Variants in SGCZ observed in about 807,000 individuals in gnomAD.
SGCZ encodes zeta-sarcoglycan.
In SGCZ, 40 loss-of-function variants were observed where a neutral mutation model predicts 41.3. The observed-to-expected ratio is 0.97, with a 90% CI of 0.75 to 1.26. The LOEUF (loss-of-function observed/expected upper bound fraction) is 1.26. Among genes scored for constraint, SGCZ ranks in the 50% most tolerant of loss-of-function variants. The pLI, the probability that SGCZ is intolerant of heterozygous loss-of-function variation, is 0.00. For synonymous variants in SGCZ, 206 were observed against 137.5 expected (o/e 1.50, Z -3.49); for missense variants, 552 against 369.8 (o/e 1.49, Z -4.04).
intron 1 of SGCZ, among the ~76,000 whole-genome samples, chr8:14,568,499 G>C (rs1804452196): frequency 6.9e-6 from 1 of 145,282 alleles, no homozygotes; most frequent in East Asian, 2.0e-4. Context: ...TGAGACTTTT[G>C]GAGGATTTAT....
chr8:14,923,440 G>A (rs189252753), intron 1 of SGCZ, among the ~76,000 whole-genome samples: 42 of 152,244 alleles, frequency 2.8e-4, no homozygotes, highest in South Asian at 1.7e-3. Context: ...ATGTAGAGAT[G>A]GTATCAGTTA....
chr8:15,045,947 T>C (rs1240450353), intron 1 of SGCZ, among the ~76,000 whole-genome samples: 1 of 152,110 alleles, frequency 6.6e-6, no homozygotes, highest in Non-Finnish European at 1.5e-5. Context: ...TTTTCCCATT[T>C]AAATATATTA....
At chr8:14,540,485 G>T (rs998333521) in intron 2 of SGCZ, among the ~76,000 whole-genome samples, 1 of 150,526 alleles carries the variant, frequency 6.6e-6, no homozygotes, top group South Asian at 2.1e-4. Flanking sequence ...TATATCTTTC[G>T]TCTTTACAAT....
intron 4 of SGCZ, among the ~76,000 whole-genome samples, chr8:14,214,939 C>T (rs1245670258): frequency 6.6e-6 from 1 of 152,118 alleles, no homozygotes; most frequent in African/African-American, 2.4e-5. Context: ...CAATACCACA[C>T]TTGCAGCAAT....
At chr8:14,595,400 AACACACACACACACACAC>A (rs34287378) in intron 1 of SGCZ, among the ~76,000 whole-genome samples, 1 of 136,314 alleles carries the variant, frequency 7.3e-6, no homozygotes, top group Non-Finnish European at 1.6e-5. Context: ...AACATGCACA[AACACACACACACACACAC>A]ACACACACAC....
intron 1 of SGCZ, among the ~76,000 whole-genome samples, chr8:14,932,231 A>G (rs899213720): frequency 6.6e-6 from 1 of 151,984 alleles, no homozygotes; most frequent in Non-Finnish European, 1.5e-5. Flanking sequence ...TATAAAGGTT[A>G]AAATGCTTAG....
rs139034692 is a variant in SGCZ, at chr8:14,364,914, C to A, written c.235-40710G>T. Reference sequence around the variant, plus strand: ...TCTTCTGAAACTTATTTAAGAAGTTCCTCCCCACCCCAAATGTCACAAAAT... The same window carrying A: ...TCTTCTGAAACTTATTTAAGAAGTTACTCCCCACCCCAAATGTCACAAAAT... On this transcript the variant is annotated intron_variant, in intron 2 of 7. Transcript: ENST00000382080. 7.2e-5 allele frequency among the ~76,000 whole-genome samples: 11 copies of A among 152,118 alleles called. No homozygotes were observed. In the East Asian group the frequency reaches 2.1e-3, roughly 29 times the overall value.
intron 1 of SGCZ, among the ~76,000 whole-genome samples, chr8:15,124,356 A>G (rs1807598207): frequency 6.6e-6 from 1 of 152,170 alleles, no homozygotes; most frequent in Admixed American, 6.6e-5. Context: ...AGAATTTCAT[A>G]TTGTGGGAAT....
intron 1 of SGCZ, among the ~76,000 whole-genome samples, chr8:15,120,889 G>A (rs548785921): frequency 2.6e-5 from 4 of 152,070 alleles, no homozygotes; most frequent in Non-Finnish European, 5.9e-5. Flanking sequence ...GTAGCTATCA[G>A]CCCCGGGAAT....
rs71884770 is a variant in SGCZ at position 14,956,039 on chromosome 8, C to CTTTTTTT, written c.39+281539_39+281545dup. Among the ~76,000 whole-genome samples, 10 of 120,226 alleles carry CTTTTTTT rather than the reference C, an allele frequency of 8.3e-5. 1 individual carries two copies. Among genetic ancestry groups the CTTTTTTT allele is most frequent in the African/African-American group, 1.9e-4 (6 of 31,424 alleles). 78.9% of individuals were successfully genotyped at this position (120,226 alleles called of 152,430 possible). ...TAATGTAGGTAGGACACTACTTTTA[C>CTTTTTTT]TTTTTTTTTTTTTTTTTTTGAGACG... On this transcript the variant is annotated intron_variant, in intron 1 of 7. Coordinates refer to ENST00000382080, the MANE Select transcript of SGCZ (RefSeq NM_139167.4).
rs185192103 is a variant in SGCZ, at chr8:14,688,277, T to C, written c.40-133351A>G. Among the ~76,000 whole-genome samples the C allele has an allele frequency of 2.0e-3, 302 of 152,336 alleles. 2 individuals are homozygous for C. Among genetic ancestry groups the C allele is most frequent in the African/African-American group, 7.0e-3 (292 of 41,588 alleles). On this transcript the variant is annotated intron_variant, in intron 1 of 7. Transcript: ENST00000382080. ...GACATGAAGTCCTTGCCCATGCCTA[T>C]GTCCTGAATGGTAATGCCTAGGTTT...
chr8:15,236,799 G>A (rs569212834), intron 1 of SGCZ, among the ~76,000 whole-genome samples: 162 of 152,284 alleles, frequency 1.1e-3, no homozygotes, highest in African/African-American at 3.7e-3. Context: ...GAGGGAGAGG[G>A]CGCGGCGCGG....
intron 1 of SGCZ, among the ~76,000 whole-genome samples, chr8:14,782,201 G>A (rs1374580167): frequency 1.3e-5 from 2 of 152,122 alleles, no homozygotes; most frequent in East Asian, 1.9e-4. Flanking sequence ...TATAATCTAT[G>A]CTAAAACTTA....
chr8:14,568,751 C>T (rs1337852671), intron 1 of SGCZ, among the ~76,000 whole-genome samples: 1 of 152,136 alleles, frequency 6.6e-6, no homozygotes, highest in East Asian at 1.9e-4. Context: ...TTCATTATAA[C>T]TCAGAAAAGG....
At chr8:14,290,203 C>T (rs372294738) in intron 3 of SGCZ, among the ~76,000 whole-genome samples, 3 of 152,074 alleles carry the variant, frequency 2.0e-5, no homozygotes, top group South Asian at 4.1e-4. Context: ...TGGATAAAAG[C>T]CTTAAACGTA....
intron 5 of SGCZ, among the ~76,000 whole-genome samples, chr8:14,149,274 T>A (rs966078159): frequency 6.6e-6 from 1 of 151,916 alleles, no homozygotes; most frequent in East Asian, 1.9e-4. Context: ...GATCTTATAC[T>A]AAGAAAAACC....
At chr8:15,184,141 T>G (rs949043025) in intron 1 of SGCZ, among the ~76,000 whole-genome samples, 3 of 152,256 alleles carry the variant, frequency 2.0e-5, no homozygotes, top group Non-Finnish European at 4.4e-5. Flanking sequence ...TTAAAACATT[T>G]AATTCTCCTT....
intron 1 of SGCZ, among the ~76,000 whole-genome samples, chr8:15,011,760 T>A (rs188201099): frequency 8.5e-5 from 13 of 152,312 alleles, no homozygotes; most frequent in Admixed American, 2.0e-4. Context: ...TTAAATGTGT[T>A]CCTCTAAAAT....
intron 2 of SGCZ, among the ~76,000 whole-genome samples, chr8:14,335,511 C>T (rs1412152301): frequency 2.6e-5 from 4 of 151,966 alleles, no homozygotes; most frequent in African/African-American, 7.3e-5. Context: ...ACATCTTATC[C>T]GTTATACCTT....
Sources: gnomAD v4.1 joint callset for allele counts (sites outside exome capture counted in the v4.1 genomes callset) on GRCh38, gnomAD v4.1.1 for gene constraint, MANE v1.5 for transcripts, NCBI Gene and HGNC (gene_info 2026-07-23, HGNC 2026-07-21) for gene names.